OR5AS1: variants seen among roughly 807,000 people sequenced by gnomAD.
OR5AS1 encodes the protein olfactory receptor family 5 subfamily AS member 1.
For synonymous variants in OR5AS1, 196 were observed against 141.7 expected, an observed-to-expected ratio of 1.38 and a Z score of -2.72; for missense variants, 492 against 378.2, an observed-to-expected ratio of 1.30 and a Z score of -2.50.
Position 56,030,784 on chromosome 11 carries a change from C to A in OR5AS1, c.366C>A (p.Arg122=). ...CLILAAMAYD[R]YAAICNPLLY... is the part of the protein sequence containing the mutation. ...TCCTGGCAGCAATGGCTTATGACCG[C>A]TATGCAGCCATCTGCAACCCACTGC... is the stretch of plus-strand genomic sequence containing the variant. The change falls in exon 2 of 2, where the codon CGC becomes CGA. Residue 122 remains arginine (R), a synonymous_variant. Coordinates refer to ENST00000641320, the MANE Select transcript of OR5AS1 (RefSeq NM_001001921.2). 6.2e-7 allele frequency: 1 copy of A among 1,614,076 alleles called. No individual in the cohort carries two copies. The highest frequency in any genetic ancestry group is 8.5e-7 in the Non-Finnish European group (1 of 1,180,014).
In OR5AS1 at chr11:56,027,678, A is replaced by T. The variant is rs1367358402; in HGVS notation, c.-63A>T. The stretch of plus-strand genomic sequence containing the variant: ...ATGTTGATAGCCCATTGTGCAAAAT[A>T]AGTGATAAAATTCAAAGTTCTTGAT... On this transcript the variant is annotated 5_prime_UTR_variant, in exon 1 of 2. Transcript: ENST00000641320. 6.6e-6 allele frequency: 1 copy of T among 152,092 alleles called. No homozygotes were observed. The highest frequency in any genetic ancestry group is 6.6e-5 in the Admixed American group (1 of 15,252). 9.4% of individuals were successfully genotyped at this position (152,092 alleles called of 1,614,324 possible).
Position 56,030,448 on chromosome 11 carries a change from T to A in OR5AS1, c.30T>A (p.Thr10=). The stretch of plus-strand genomic sequence containing the variant: ...TGGAGAGTAATTACACCATGCCAAC[T>A]GAGTTCCTATTTGTTGGATTCACAG... MLESNYTMP[T]EFLFVGFTDY... is the part of the protein sequence containing the mutation. Residue 10 remains threonine, a synonymous_variant, in exon 2 of 2, where the codon ACT becomes ACA. Coordinates refer to ENST00000641320, the MANE Select transcript of OR5AS1 (RefSeq NM_001001921.2). 6.7e-7 allele frequency: 1 copy of A among 1,493,868 alleles called. No individual in the cohort carries two copies. The highest frequency in any genetic ancestry group is 8.9e-7 in the Non-Finnish European group (1 of 1,121,490). The allele number at this position is 1,493,868 out of a possible 1,614,324, so 92.5% of individuals were successfully genotyped here.
chr11:56,030,839 T>C lies in OR5AS1; in HGVS notation c.421T>C (p.Cys141Arg), dbSNP rs758620437. ...TACTACACTGATGTCTAGGAGAGTC[T>C]GTGTCTGCTTCATTGTGTTGGCATA... ...LYTTLMSRRV[C>R]VCFIVLAYFS... Residue 141 changes from cysteine (C) to arginine (R), a missense_variant, in exon 2 of 2, where the codon TGT (cysteine) becomes CGT (arginine). Transcript: ENST00000641320. The C allele has an allele frequency of 6.2e-7, 1 of 1,613,678 alleles. No homozygotes were observed.
rs759348029 is a variant in OR5AS1, at chr11:56,030,684, G to C, written c.266G>C (p.Arg89Thr). 5.0e-6 allele frequency: 8 copies of C among 1,593,764 alleles called. No homozygotes were observed. The highest frequency in any genetic ancestry group is 6.8e-6 in the Non-Finnish European group (8 of 1,168,022). The stretch of plus-strand genomic sequence containing the variant: ...ATGCTGGCAAACTTCTTGGCATCCA[G>C]GAAAAGCATCTCTCCTTATGGGTGT... ...PKMLANFLAS[R>T]KSISPYGCAL... Residue 89 changes from arginine (R) to threonine (T), a missense_variant, in exon 2 of 2, where the codon AGG becomes ACG. Arg to Thr is a moderately conservative substitution (Grantham distance 71). Transcript: ENST00000641320.
Position 56,036,612 on chromosome 11 carries a change from A to C in OR5AS1, c.*5219A>C, listed in dbSNP as rs943237865. ...AGTCAAATCCATGAATAGACCAAAA[A>C]CAAGTCCCAAAATTGAGGCAGTAAT... On this transcript the variant is annotated 3_prime_UTR_variant, in exon 2 of 2. Transcript: ENST00000641320. 2 of 152,076 alleles carry C rather than the reference A, an allele frequency of 1.3e-5. No homozygotes were observed. Among genetic ancestry groups the C allele is most frequent in the Non-Finnish European group, 2.9e-5 (2 of 68,032 alleles). The allele number at this position is 152,076 out of a possible 1,614,324, so 9.4% of individuals were successfully genotyped here.
At position 56,036,452 on chromosome 11, in the gene OR5AS1, C is replaced by G. The variant is rs1294087451; in HGVS notation, c.*5059C>G. On this transcript the variant is annotated 3_prime_UTR_variant, in exon 2 of 2. Coordinates refer to ENST00000641320, the MANE Select transcript of OR5AS1 (RefSeq NM_001001921.2). ...CAATAAAAAATTATAAAGGGGATAT[C>G]ACCACTGTTCCCACAGAAATACAAA... 6.6e-6 allele frequency: 1 copy of G among 152,160 alleles called. No individual in the cohort carries two copies. The highest frequency in any genetic ancestry group is 2.4e-5 in the African/African-American group (1 of 41,478). 9.4% of individuals were successfully genotyped at this position (152,160 alleles called of 1,614,324 possible). A position where few individuals can be genotyped will look rare whatever the true frequency, so the allele number is the denominator to read the frequency against.
chr11:56,030,129 T>C (rs1276743490), intron 1 of OR5AS1, among the ~76,000 whole-genome samples: 1 of 152,092 alleles, frequency 6.6e-6, no homozygotes, highest in Non-Finnish European at 1.5e-5. Context: ...GTAAAAACTA[T>C]TATCATCACA....
chr11:56,035,182 A>C lies in OR5AS1; in HGVS notation c.*3789A>C, dbSNP rs1462343913. The stretch of plus-strand genomic sequence containing the variant: ...GCAAAAAAAACAAATTTTAAAGAAC[A>C]TTGACACTACGAAGAAACCACATCA... On this transcript the variant is annotated 3_prime_UTR_variant, in exon 2 of 2. Coordinates refer to ENST00000641320, the MANE Select transcript of OR5AS1 (RefSeq NM_001001921.2). 6.6e-6 allele frequency: 1 copy of C among 152,208 alleles called. No individual in the cohort carries two copies. The highest frequency in any genetic ancestry group is 2.4e-5 in the African/African-American group (1 of 41,426). The allele number at this position is 152,208 out of a possible 1,614,324, so 9.4% of individuals were successfully genotyped here. A position where few individuals can be genotyped will look rare whatever the true frequency, so the allele number is the denominator to read the frequency against.
In OR5AS1 at chr11:56,029,370, C is replaced by T. The variant is rs550789904; in HGVS notation, c.-28-1021C>T. Among the ~76,000 whole-genome samples the T allele has an allele frequency of 2.5e-4, 38 of 151,820 alleles. 1 individual carries two copies. Among genetic ancestry groups the T allele is most frequent in the Non-Finnish European group, 1.8e-4 (12 of 67,848 alleles). Reference sequence around the variant, plus strand: ...TACAGAACCAGTTTAGAAGTCCAATCGCATATGCAGCCCTTCAAAACATAC... The same window carrying T: ...TACAGAACCAGTTTAGAAGTCCAATTGCATATGCAGCCCTTCAAAACATAC... On this transcript the variant is annotated intron_variant, in intron 1 of 1. Coordinates refer to ENST00000641320, the MANE Select transcript of OR5AS1 (RefSeq NM_001001921.2).
intron 1 of OR5AS1, among the ~76,000 whole-genome samples, chr11:56,029,004 T>C (rs948928749): frequency 2.0e-5 from 3 of 152,088 alleles, no homozygotes; most frequent in Non-Finnish European, 4.4e-5. Context: ...TTCTTCACTA[T>C]AGTTTTAGGT....
rs1025110510 is a variant in OR5AS1 at position 56,032,357 on chromosome 11, A to G, written c.*964A>G. On this transcript the variant is annotated 3_prime_UTR_variant, in exon 2 of 2. Transcript: ENST00000641320. Reference sequence around the variant, plus strand: ...CTTTTATTCTGTAAATTTACAATGCAAGGCAATTAAAGTATAAACAATTTT... The same window carrying G: ...CTTTTATTCTGTAAATTTACAATGCGAGGCAATTAAAGTATAAACAATTTT... 7 of 152,134 alleles carry G rather than the reference A, an allele frequency of 4.6e-5. No individual in the cohort carries two copies. Among genetic ancestry groups the G allele is most frequent in the Non-Finnish European group, 1.0e-4 (7 of 68,028 alleles). The allele number at this position is 152,134 out of a possible 1,614,324, so 9.4% of individuals were successfully genotyped here.
chr11:56,034,414 T>G lies in OR5AS1; in HGVS notation c.*3021T>G, dbSNP rs776063660. 1 of 151,924 alleles carries G rather than the reference T, an allele frequency of 6.6e-6. No individual in the cohort carries two copies. The highest frequency in any genetic ancestry group is 2.1e-4 in the South Asian group (1 of 4,822). 9.4% of individuals were successfully genotyped at this position (151,924 alleles called of 1,614,324 possible). On this transcript the variant is annotated 3_prime_UTR_variant, in exon 2 of 2. Transcript: ENST00000641320. ...TAGAATAACTGGTTTGAAGAGAACA[T>G]AAATAACCTGATGGAGCTGAAAAAC...
chr11:56,031,580 T>C lies in OR5AS1; in HGVS notation c.*187T>C, dbSNP rs1853352259. ...CTATAAAACATTACCTAATTAAACA[T>C]AGTCATTATTTATATCCAATTAGTG... On this transcript the variant is annotated 3_prime_UTR_variant, in exon 2 of 2. Transcript: ENST00000641320. 4.4e-6 allele frequency: 2 copies of C among 455,528 alleles called. No homozygotes were observed. Among genetic ancestry groups the C allele is most frequent in the Admixed American group, 7.7e-5 (2 of 25,994 alleles). 28.2% of individuals were successfully genotyped at this position (455,528 alleles called of 1,614,324 possible).
intron 1 of OR5AS1, among the ~76,000 whole-genome samples, chr11:56,029,268 A>G (rs1295621105): frequency 6.6e-6 from 1 of 152,040 alleles, no homozygotes; most frequent in Non-Finnish European, 1.5e-5. Flanking sequence ...TTCCATTCGC[A>G]TTGTATTTTA....
intron 1 of OR5AS1, among the ~76,000 whole-genome samples, chr11:56,028,701 C>G (rs2134689098): frequency 6.6e-6 from 1 of 152,094 alleles, no homozygotes; most frequent in Middle Eastern, 3.4e-3. Context: ...TACAAAACCC[C>G]TTTAAATCGT....
rs780515543 is a variant in OR5AS1 at position 56,031,277 on chromosome 11, C to A, written c.859C>A (p.Pro287Thr). ...TACTGTTGTATTTCCCATGTTTAAT[C>A]CAATAATTTATAGTTTCAGAAACAA... ...FYTVVFPMFN[P>T]IIYSFRNKDV... The change falls in exon 2 of 2, where the codon CCA becomes ACA. Residue 287 changes from proline (P) to threonine (T), a missense_variant. Pro to Thr is a conservative substitution (Grantham distance 38, BLOSUM62 -1). Coordinates refer to ENST00000641320, the MANE Select transcript of OR5AS1 (RefSeq NM_001001921.2). 1.2e-6 allele frequency: 2 copies of A among 1,612,596 alleles called. No homozygotes were observed. The highest frequency in any genetic ancestry group is 2.2e-5 in the South Asian group (2 of 90,984).
chr11:56,029,685 T>C (rs1294216143), intron 1 of OR5AS1, among the ~76,000 whole-genome samples: 1 of 152,118 alleles, frequency 6.6e-6, no homozygotes, highest in African/African-American at 2.4e-5. Context: ...AGTCAATTTA[T>C]TTATTTTTAA....
rs763011673 is a variant in OR5AS1 at position 56,031,674 on chromosome 11, C to A, written c.*281C>A. On this transcript the variant is annotated 3_prime_UTR_variant, in exon 2 of 2. Transcript: ENST00000641320. The stretch of plus-strand genomic sequence containing the variant: ...GTATTGAAGGTAAATATTGACTTTT[C>A]AGTCAATCAATCGGTATTAGAAGCT... 9 of 233,628 alleles carry A rather than the reference C, an allele frequency of 3.9e-5. No homozygotes were observed. The highest frequency in any genetic ancestry group is 1.1e-4 in the African/African-American group (5 of 43,846). 14.5% of individuals were successfully genotyped at this position (233,628 alleles called of 1,614,324 possible).
intron 1 of OR5AS1, among the ~76,000 whole-genome samples, chr11:56,028,990 G>A (rs369327616): frequency 2.0e-5 from 3 of 152,042 alleles, no homozygotes; most frequent in African/African-American, 7.2e-5. Flanking sequence ...TTCAGAGTTG[G>A]GATTTCTTCA....
Sources: allele counts gnomAD v4.1 joint callset (sites outside exome capture counted in the v4.1 genomes callset), GRCh38; gene constraint gnomAD v4.1.1; transcripts MANE v1.5; gene names NCBI Gene and HGNC (gene_info 2026-07-23, HGNC 2026-07-21).